GRM8: variants seen among roughly 807,000 people sequenced by gnomAD.
The protein encoded by GRM8 is glutamate metabotropic receptor 8.
A neutral mutation model predicts 87.2 loss-of-function variants in GRM8; 47 were observed. That is an observed-to-expected ratio of 0.54 (90% CI 0.43 to 0.69). GRM8 has a LOEUF of 0.69. Among genes scored for constraint, GRM8 ranks in the 30% least tolerant of loss-of-function variants. The pLI, the probability that GRM8 is intolerant of heterozygous loss-of-function variation, is 0.00. For synonymous variants in GRM8, 396 were observed against 404.5 expected (o/e 0.98, Z 0.25); for missense variants, 1,019 against 1,139.2 (o/e 0.89, Z 1.52).
At chr7:126,622,941 C>T (rs6467092) in intron 7 of GRM8, among the ~76,000 whole-genome samples, 48,672 of 152,006 alleles carry the variant, frequency 0.32, 8,416 homozygotes, top group East Asian at 0.43. Flanking sequence ...TTCCAATTAT[C>T]TGTATCTCCA....
chr7:127,209,651 C>T (rs1796106966), intron 2 of GRM8, among the ~76,000 whole-genome samples: 1 of 152,024 alleles, frequency 6.6e-6, no homozygotes, highest in South Asian at 2.1e-4. Flanking sequence ...TGTAATGCAC[C>T]CAAGGGGAAA....
chr7:126,828,597 CT>C (rs1275968332), intron 6 of GRM8, among the ~76,000 whole-genome samples: 1 of 152,060 alleles, frequency 6.6e-6, no homozygotes, highest in African/African-American at 2.4e-5. Context: ...TTTGATTCTT[CT>C]TTTTTTCTTT....
At position 126,855,070 on chromosome 7, in the gene GRM8, C is replaced by T. The variant is rs529132280; in HGVS notation, c.1156+47472G>A. Among the ~76,000 whole-genome samples, 4 of 152,248 alleles carry T rather than the reference C, an allele frequency of 2.6e-5. No homozygotes were observed. In the South Asian group the frequency reaches 6.2e-4, roughly 24 times the overall value. The stretch of plus-strand genomic sequence containing the variant: ...AGTATAATGTTGGCTGTGGGTTTGT[C>T]ATAGATGGCTTTTATTACCTTAAGA... On this transcript the variant is annotated intron_variant, in intron 6 of 10. Coordinates refer to ENST00000339582, the MANE Select transcript of GRM8 (RefSeq NM_000845.3).
Position 126,668,083 on chromosome 7 carries a change from G to C in GRM8, c.1358-58585C>G, listed in dbSNP as rs545197022. Among the ~76,000 whole-genome samples the C allele has an allele frequency of 8.5e-5, 13 of 152,274 alleles. No individual in the cohort carries two copies. In the East Asian group the frequency reaches 2.5e-3, roughly 30 times the overall value. ...GCCACAGAAGTTCCAGCCCTTTGCAGCGGTGAGGAGCCGGGCTCCTCCTCT... is the reference window on the plus strand; with the variant it reads ...GCCACAGAAGTTCCAGCCCTTTGCACCGGTGAGGAGCCGGGCTCCTCCTCT... On this transcript the variant is annotated intron_variant, in intron 7 of 10. Transcript: ENST00000339582.
At chr7:127,189,792 T>G (rs1213287901) in intron 2 of GRM8, among the ~76,000 whole-genome samples, 1 of 152,060 alleles carries the variant, frequency 6.6e-6, no homozygotes, top group Non-Finnish European at 1.5e-5. Flanking sequence ...CCCCTCAAAT[T>G]TATACTGTTA....
At chr7:126,639,432 T>C (rs1007124065) in intron 7 of GRM8, among the ~76,000 whole-genome samples, 2 of 152,066 alleles carry the variant, frequency 1.3e-5, no homozygotes, top group African/African-American at 4.8e-5. Flanking sequence ...AAGGGGCAAA[T>C]AGAAGGGACA....
chr7:126,686,596 C>T (rs558695634), intron 7 of GRM8, among the ~76,000 whole-genome samples: 55 of 152,126 alleles, frequency 3.6e-4, no homozygotes, highest in African/African-American at 1.1e-3. Context: ...AGCACCCACA[C>T]TGGCACCTGG....
intron 10 of GRM8, among the ~76,000 whole-genome samples, chr7:126,444,904 T>C (rs537237115): frequency 6.6e-6 from 1 of 152,018 alleles, no homozygotes; most frequent in East Asian, 1.9e-4. Context: ...CTAGCACTTT[T>C]GGAGGCTTAG....
chr7:127,250,162 C>T (rs1306828094), intron 1 of GRM8, among the ~76,000 whole-genome samples: 3 of 152,180 alleles, frequency 2.0e-5, no homozygotes, highest in Non-Finnish European at 4.4e-5. Flanking sequence ...GAATGTCAGA[C>T]GGGTTATTTG....
At chr7:127,014,068 C>T (rs146374986) in intron 3 of GRM8, among the ~76,000 whole-genome samples, 92 of 152,196 alleles carry the variant, frequency 6.0e-4, no homozygotes, top group African/African-American at 2.2e-3. Flanking sequence ...TCTTGGTGTG[C>T]AGTGAGGATA....
intron 3 of GRM8, among the ~76,000 whole-genome samples, chr7:126,960,346 C>T (rs1303745908): frequency 6.6e-6 from 1 of 152,122 alleles, no homozygotes; most frequent in Non-Finnish European, 1.5e-5. Context: ...GAAAAAAATA[C>T]TCCCTCTAAA....
At chr7:127,061,181 A>G (rs576073458) in intron 3 of GRM8, among the ~76,000 whole-genome samples, 2 of 152,350 alleles carry the variant, frequency 1.3e-5, no homozygotes, top group South Asian at 4.1e-4. Context: ...AACTTTATTT[A>G]CTTACATGAA....
chr7:126,649,894 G>A (rs993417604), intron 7 of GRM8, among the ~76,000 whole-genome samples: 5 of 152,188 alleles, frequency 3.3e-5, no homozygotes, highest in Admixed American at 6.5e-5. Flanking sequence ...TGGTGCCTGA[G>A]GTATCAGGAG....
intron 2 of GRM8, among the ~76,000 whole-genome samples, chr7:127,158,154 G>A (rs1054131164): frequency 5.9e-5 from 9 of 152,172 alleles, no homozygotes; most frequent in Non-Finnish European, 1.5e-5. Context: ...CCCAGACTTT[G>A]TCAGCTCTAA....
intron 10 of GRM8, among the ~76,000 whole-genome samples, chr7:126,443,350 T>C (rs1474118427): frequency 1.3e-5 from 2 of 152,058 alleles, no homozygotes; most frequent in Non-Finnish European, 2.9e-5. Context: ...TGGTTTCCCA[T>C]CCAGCTTCGT....
chr7:127,144,305 G>C (rs1828435972), intron 2 of GRM8, among the ~76,000 whole-genome samples: 1 of 152,094 alleles, frequency 6.6e-6, no homozygotes, highest in Non-Finnish European at 1.5e-5. Flanking sequence ...TAGGAGCAAA[G>C]AGCTATGTCT....
intron 6 of GRM8, among the ~76,000 whole-genome samples, chr7:126,797,842 T>C (rs771037156): frequency 2.6e-5 from 4 of 152,130 alleles, no homozygotes; most frequent in Non-Finnish European, 5.9e-5. Flanking sequence ...TTCTCCCTCA[T>C]AGCAACATGA....
rs1794613528 is a variant in GRM8 at position 126,824,825 on chromosome 7, T to A, written c.1157-54760A>T. 2.6e-5 allele frequency among the ~76,000 whole-genome samples: 4 copies of A among 152,366 alleles called. No homozygotes were observed. In the South Asian group the frequency reaches 8.3e-4, roughly 32 times the overall value. On this transcript the variant is annotated intron_variant, in intron 6 of 10. Coordinates refer to ENST00000339582, the MANE Select transcript of GRM8 (RefSeq NM_000845.3). ...GGAATCTTTTGGCTTTCATGAACTG[T>A]TAGCAGTCCCATTATATTGGCTCTT...
At chr7:126,550,361 C>A (rs950021980) in intron 8 of GRM8, among the ~76,000 whole-genome samples, 8 of 152,112 alleles carry the variant, frequency 5.3e-5, no homozygotes, top group African/African-American at 1.9e-4. Context: ...ATCCACCCGC[C>A]TCAGCCTCCC....
Sources: gnomAD v4.1 joint callset for allele counts (sites outside exome capture counted in the v4.1 genomes callset) on GRCh38, gnomAD v4.1.1 for gene constraint, MANE v1.5 for transcripts, NCBI Gene and HGNC (gene_info 2026-07-23, HGNC 2026-07-21) for gene names.